Variants in SKAP2 observed in about 807,000 individuals in gnomAD.
SKAP2 encodes src kinase-associated phosphoprotein 2.
SKAP2 carries 28 observed loss-of-function variants against 54.9 expected under a neutral mutation model. The observed-to-expected ratio is 0.51, with a 90% confidence interval of 0.38 to 0.70. The LOEUF (loss-of-function observed/expected upper bound fraction) is 0.70, where lower values mean the gene tolerates loss of function less well. Among genes scored for constraint, SKAP2 ranks in the 30% least tolerant of loss-of-function variants. The pLI is 0.00. For synonymous variants in SKAP2, 137 were observed against 134.3 expected, an observed-to-expected ratio of 1.02 and a Z score of -0.14; for missense variants, 356 against 424.1, an observed-to-expected ratio of 0.84 and a Z score of 1.41.
At chr7:26,863,064 C>T (rs1220214720) in intron 1 of SKAP2, among the ~76,000 whole-genome samples, 1 of 152,108 alleles carries the variant, frequency 6.6e-6, no homozygotes, top group Non-Finnish European at 1.5e-5. Context: ...CTTAGTGGTA[C>T]CCGTTAATGA....
intron 4 of SKAP2, among the ~76,000 whole-genome samples, chr7:26,831,150 ACTAG>A (rs1784586216): frequency 6.6e-6 from 1 of 152,146 alleles, no homozygotes; most frequent in African/African-American, 2.4e-5. Flanking sequence ...ATTTTTAGTC[ACTAG>A]CTATCAAGCT....
chr7:26,851,802 G>T (rs1055155731), intron 3 of SKAP2, among the ~76,000 whole-genome samples: 3 of 151,850 alleles, frequency 2.0e-5, no homozygotes, highest in African/African-American at 7.3e-5. Context: ...AGAGTAGAAG[G>T]GAAGGATTTG....
rs140223829 is a variant in SKAP2 at position 26,854,786 on chromosome 7, T to G, written c.172A>C (p.Ile58Leu). 3 of 1,594,556 alleles carry G rather than the reference T, an allele frequency of 1.9e-6. No individual in the cohort carries two copies. The highest frequency in any genetic ancestry group is 2.6e-6 in the Non-Finnish European group (3 of 1,167,078). The change falls in exon 2 of 13, where the codon ATC becomes CTC. Residue 58 changes from isoleucine to leucine, a missense_variant and splice_region_variant. Ile to Leu is a conservative substitution (Grantham distance 5). Coordinates refer to ENST00000345317, the MANE Select transcript of SKAP2 (RefSeq NM_003930.5). ...LIKKIKDVKS[I>L]YLQEFQDKGD... Reference sequence around the variant, plus strand: ...GTAAACAAAAGGTAAGTGACTTACATAGACTTTACATCTTTTATCTTCTTA... The same window carrying G: ...GTAAACAAAAGGTAAGTGACTTACAGAGACTTTACATCTTTTATCTTCTTA...
At chr7:26,803,080 C>T (rs6944926) in intron 4 of SKAP2, among the ~76,000 whole-genome samples, 5,947 of 152,120 alleles carry the variant, frequency 0.039, 373 homozygotes, top group African/African-American at 0.13. Flanking sequence ...TTGAGCAAAA[C>T]CCCGCAAGCA....
At chr7:26,857,601 C>T in intron 1 of SKAP2, 1 of 985,410 alleles carries the variant, frequency 1.0e-6, no homozygotes, top group Non-Finnish European at 1.2e-6. Context: ...AGTTGTAGGG[C>T]TGCGAGATGC....
At chr7:26,764,519 CAG>C in intron 4 of SKAP2, among the ~76,000 whole-genome samples, 1 of 152,118 alleles carries the variant, frequency 6.6e-6, no homozygotes. Context: ...GATTTATACA[CAG>C]ATGTTTTTAA....
intron 11 of SKAP2, among the ~76,000 whole-genome samples, chr7:26,676,205 G>T (rs935211020): frequency 2.0e-5 from 3 of 152,118 alleles, no homozygotes; most frequent in Admixed American, 6.5e-5. Flanking sequence ...ACTATGAAAA[G>T]TTTTTGTTGA....
intron 10 of SKAP2, among the ~76,000 whole-genome samples, chr7:26,689,740 T>C (rs1361492434): frequency 2.0e-5 from 3 of 152,222 alleles, no homozygotes; most frequent in Non-Finnish European, 4.4e-5. Context: ...GTTTATCTGA[T>C]TTTTATCAAA....
At chr7:26,751,238 A>T (rs1310666621) in intron 4 of SKAP2, among the ~76,000 whole-genome samples, 1 of 152,146 alleles carries the variant, frequency 6.6e-6, no homozygotes, top group Non-Finnish European at 1.5e-5. Flanking sequence ...CTCCCAAAAC[A>T]ACCTTATTAT....
At chr7:26,823,333 C>A (rs1035091679) in intron 4 of SKAP2, among the ~76,000 whole-genome samples, 3 of 144,288 alleles carry the variant, frequency 2.1e-5, no homozygotes, top group Non-Finnish European at 4.5e-5. Flanking sequence ...GGCTGAGGCA[C>A]GAGAATTGCT....
At chr7:26,659,565 TAC>T in the SKAP2 span, among the ~76,000 whole-genome samples, 4 of 152,304 alleles carry the variant, frequency 2.6e-5, no homozygotes, top group African/African-American at 9.6e-5. Context: ...ATGAGATGTT[TAC>T]ACAGTCTGGA....
intron 4 of SKAP2, among the ~76,000 whole-genome samples, chr7:26,810,597 G>C (rs930726748): frequency 2.0e-5 from 3 of 152,188 alleles, no homozygotes; most frequent in Admixed American, 1.3e-4. Flanking sequence ...GGTAACACTT[G>C]AGCTAAATAA....
chr7:26,862,487 A>T (rs1785289854), intron 1 of SKAP2, among the ~76,000 whole-genome samples: 1 of 152,056 alleles, frequency 6.6e-6, no homozygotes, highest in Non-Finnish European at 1.5e-5. Flanking sequence ...GTGTTTTAAT[A>T]TGTGATTTGC....
At chr7:26,740,463 T>C (rs1217727052) in intron 4 of SKAP2, among the ~76,000 whole-genome samples, 1 of 152,180 alleles carries the variant, frequency 6.6e-6, no homozygotes, top group Non-Finnish European at 1.5e-5. Flanking sequence ...TTCAGAGAAA[T>C]GTTATGGACA....
chr7:26,807,585 C>T (rs1784056707), intron 4 of SKAP2, among the ~76,000 whole-genome samples: 1 of 152,162 alleles, frequency 6.6e-6, no homozygotes, highest in African/African-American at 2.4e-5. Context: ...TCAGGTAGTT[C>T]TTTATAGCAG....
chr7:26,688,260 A>G (rs1786693469), intron 10 of SKAP2, among the ~76,000 whole-genome samples: 1 of 152,192 alleles, frequency 6.6e-6, no homozygotes, highest in Non-Finnish European at 1.5e-5. Flanking sequence ...AATGTTCAAA[A>G]AAAATCAAAT....
At chr7:26,816,705 A>G (rs772355332) in intron 4 of SKAP2, among the ~76,000 whole-genome samples, 32 of 152,136 alleles carry the variant, frequency 2.1e-4, no homozygotes, top group South Asian at 4.1e-4. Context: ...TAACAGATCA[A>G]TTAGATTTCT....
At chr7:26,694,238 A>G (rs1163247844) in intron 9 of SKAP2, among the ~76,000 whole-genome samples, 1 of 152,190 alleles carries the variant, frequency 6.6e-6, no homozygotes, top group African/African-American at 2.4e-5. Flanking sequence ...ACATTTTAAT[A>G]ACAGTAAACA....
intron 4 of SKAP2, among the ~76,000 whole-genome samples, chr7:26,766,081 T>C (rs1397690499): frequency 6.6e-6 from 1 of 152,220 alleles, no homozygotes; most frequent in Non-Finnish European, 1.5e-5. Flanking sequence ...ATTTTCACTA[T>C]ATTGATTCTT....
Sources: allele counts gnomAD v4.1 joint callset (sites outside exome capture counted in the v4.1 genomes callset), GRCh38; gene constraint gnomAD v4.1.1; transcripts MANE v1.5; gene names NCBI Gene and HGNC (gene_info 2026-07-23, HGNC 2026-07-21).